MYO5A: variants seen among roughly 807,000 people sequenced by gnomAD.
MYO5A encodes unconventional myosin-Va.
A neutral mutation model predicts 249.7 loss-of-function variants in MYO5A; 98 were observed. The observed-to-expected ratio is 0.39, with a 90% CI of 0.33 to 0.46. The LOEUF is 0.46. Ranked by LOEUF, MYO5A falls within the 20% of genes least tolerant of loss-of-function variation. MYO5A has a pLI of 0.98. For synonymous variants in MYO5A, 778 were observed against 810.6 expected, an observed-to-expected ratio of 0.96 and a Z score of 0.68; for missense variants, 1,696 against 2,308.8, an observed-to-expected ratio of 0.73 and a Z score of 5.44.
At chr15:52,424,862 C>T (rs553510750) in intron 4 of MYO5A, among the ~76,000 whole-genome samples, 1 of 152,166 alleles carries the variant, frequency 6.6e-6, no homozygotes, top group South Asian at 2.1e-4. Context: ...CTCCCATTTT[C>T]CACCCTCAAA....
chr15:52,330,362 G>A lies in MYO5A; in HGVS notation c.4546C>T (p.Leu1516=), dbSNP rs2038834132. The change falls in exon 35 of 42, where the codon CTG becomes TTG. Residue 1516 remains leucine (L), a synonymous_variant. Coordinates refer to ENST00000399233, the MANE Select transcript of MYO5A (RefSeq NM_001382347.1). ...KEDEQKLVKN[L]ILELKPRGVA... ...TGCAGAAAATACTTGCCCAGAATCA[G>A]GTTCTTAACAAGTTTTTGCTCATCC... 6.2e-7 allele frequency: 1 copy of A among 1,614,060 alleles called. No individual in the cohort carries two copies. The highest frequency in any genetic ancestry group is 1.3e-5 in the African/African-American group (1 of 75,014).
intron 1 of MYO5A, among the ~76,000 whole-genome samples, chr15:52,478,019 A>G (rs1454711868): frequency 6.6e-6 from 1 of 152,212 alleles, no homozygotes; most frequent in Non-Finnish European, 1.5e-5. Context: ...GGTGGAGTCT[A>G]CAGTGGCAGG....
intron 1 of MYO5A, among the ~76,000 whole-genome samples, chr15:52,480,498 G>A (rs372418000): frequency 2.8e-4 from 43 of 152,298 alleles, no homozygotes; most frequent in African/African-American, 9.6e-4. Flanking sequence ...TCAGACCAGA[G>A]CCCACACCAG....
chr15:52,463,643 G>A (rs1035944742), intron 1 of MYO5A, among the ~76,000 whole-genome samples: 6 of 152,146 alleles, frequency 3.9e-5, no homozygotes, highest in Non-Finnish European at 8.8e-5. Context: ...TGGAAACATT[G>A]TTAATCTGTA....
intron 1 of MYO5A, among the ~76,000 whole-genome samples, chr15:52,445,722 C>T (rs942552227): frequency 6.6e-6 from 1 of 152,196 alleles, no homozygotes; most frequent in African/African-American, 2.4e-5. Context: ...CTTAGTGGAA[C>T]TGGAGCAAAG....
rs769456233 is a variant in MYO5A, at chr15:52,425,962, A to G, written c.323T>C (p.Val108Ala). Residue 108 changes from valine (V) to alanine (A), a missense_variant, in exon 4 of 42, where the codon GTA becomes GCA. Val to Ala is a moderately conservative substitution (Grantham distance 64). Around this residue, in one of 5 missense-constraint regions of MYO5A, gnomAD observed 197 missense variants for 320.3 expected, o/e 0.62. Coordinates refer to ENST00000399233, the MANE Select transcript of MYO5A (RefSeq NM_001382347.1). ...LIYTYCGIVL[V>A]AINPYEQLPI... is the part of the protein sequence containing the mutation. ...CAGCTGTTCATAGGGATTTATAGCT[A>G]CTAGGACTATACCTGGGAATAGGGT... 1 of 1,612,758 alleles carries G rather than the reference A, an allele frequency of 6.2e-7. No individual in the cohort carries two copies. Among genetic ancestry groups the G allele is most frequent in the Non-Finnish European group, 8.5e-7 (1 of 1,178,846 alleles).
At chr15:52,512,160 CA>C (rs535878540) in intron 1 of MYO5A, among the ~76,000 whole-genome samples, 250 of 93,484 alleles carry the variant, frequency 2.7e-3, no homozygotes, top group South Asian at 5.5e-3. Context: ...AAGACTGTCT[CA>C]AAAAAAAAAA....
intron 1 of MYO5A, among the ~76,000 whole-genome samples, chr15:52,469,379 T>C (rs2076413119): frequency 6.6e-6 from 1 of 152,192 alleles, no homozygotes; most frequent in Admixed American, 6.5e-5. Context: ...AAAAGAAACT[T>C]ATTAAGAAAA....
At chr15:52,485,974 G>A (rs775393145) in intron 1 of MYO5A, among the ~76,000 whole-genome samples, 1 of 152,128 alleles carries the variant, frequency 6.6e-6, no homozygotes, top group South Asian at 2.1e-4. Flanking sequence ...AATTATCACC[G>A]TAAACAAGCA....
At chr15:52,326,472 T>C (rs1265951973) in intron 36 of MYO5A, among the ~76,000 whole-genome samples, 1 of 152,168 alleles carries the variant, frequency 6.6e-6, no homozygotes, top group African/African-American at 2.4e-5. Context: ...CTGTAGAATG[T>C]TAACTACAGA....
At chr15:52,369,974 C>A in intron 22 of MYO5A, among the ~76,000 whole-genome samples, 195 bp downstream of exon 22, 1 of 145,646 alleles carries the variant, frequency 6.9e-6, no homozygotes, top group Non-Finnish European at 1.5e-5. Flanking sequence ...GTAGAAAGTT[C>A]TACTAAAAGA....
At chr15:52,482,363 C>T (rs572321188) in intron 1 of MYO5A, among the ~76,000 whole-genome samples, 1 of 152,232 alleles carries the variant, frequency 6.6e-6, no homozygotes, top group East Asian at 1.9e-4. Context: ...TGTGAGTGGG[C>T]TTGGGCCCTT....
chr15:52,520,312 G>A (rs2077590622), intron 1 of MYO5A, among the ~76,000 whole-genome samples: 1 of 152,138 alleles, frequency 6.6e-6, no homozygotes, highest in Non-Finnish European at 1.5e-5. Flanking sequence ...CCTGGTCTCT[G>A]GGGTGAGCAC....
intron 36 of MYO5A, 65 bp from the exon 37 acceptor site, chr15:52,323,509 AAC>A: frequency 1.7e-6 from 2 of 1,161,852 alleles, no homozygotes; most frequent in Non-Finnish European, 2.6e-6. Flanking sequence ...AAAAAAATTG[AAC>A]AGATACCAAA....
chr15:52,399,931 A>C (rs1595600365), intron 9 of MYO5A, among the ~76,000 whole-genome samples: 1 of 152,250 alleles, frequency 6.6e-6, no homozygotes, highest in East Asian at 1.9e-4. Flanking sequence ...TTTTTGCATA[A>C]CTTAGGATAA....
chr15:52,401,503 T>C (rs2141202392), intron 9 of MYO5A, among the ~76,000 whole-genome samples: 1 of 152,372 alleles, frequency 6.6e-6, no homozygotes, highest in South Asian at 2.1e-4. Context: ...CACTGTGTTC[T>C]GGCTTTTATA....
At chr15:52,420,555 G>A (rs2043739297) in intron 4 of MYO5A, among the ~76,000 whole-genome samples, 2 of 151,680 alleles carry the variant, frequency 1.3e-5, no homozygotes, top group South Asian at 2.1e-4. Context: ...CCACAACAAT[G>A]AGCCAAATAA....
chr15:52,404,991 C>A (rs1223006708), intron 9 of MYO5A, among the ~76,000 whole-genome samples: 1 of 151,764 alleles, frequency 6.6e-6, no homozygotes, highest in East Asian at 1.9e-4. Context: ...TGTGGGGCCA[C>A]ATCTGCGTTA....
intron 9 of MYO5A, among the ~76,000 whole-genome samples, chr15:52,398,495 A>G (rs1316694334): frequency 6.6e-6 from 1 of 152,160 alleles, no homozygotes; most frequent in Non-Finnish European, 1.5e-5. Flanking sequence ...TCAGCTGGCA[A>G]TTGATGTCAG....
Sources: gnomAD v4.1 joint callset for allele counts (sites outside exome capture counted in the v4.1 genomes callset) on GRCh38, gnomAD v4.1.1 for gene constraint, gnomAD v4.1.1 regional missense constraint, MANE v1.5 for transcripts, NCBI Gene and HGNC (gene_info 2026-07-23, HGNC 2026-07-21) for gene names.